HSPA12A: variants seen among roughly 807,000 people sequenced by gnomAD.
The protein encoded by HSPA12A is heat shock protein family A (Hsp70) member 12A, also known as heat shock 70 kDa protein 12A.
HSPA12A carries 28 observed loss-of-function variants against 69.2 expected under a neutral mutation model. That is an observed-to-expected ratio of 0.40 (90% CI 0.30 to 0.55). The LOEUF (loss-of-function observed/expected upper bound fraction) is 0.55. Among genes scored for constraint, HSPA12A ranks in the 20% least tolerant of loss-of-function variants. HSPA12A has a pLI of 0.38. For missense variants in HSPA12A, 686 were observed against 900.7 expected (o/e 0.76, Z 3.05); for synonymous variants, 345 against 370.5 (o/e 0.93, Z 0.79).
intron 1 of HSPA12A, among the ~76,000 whole-genome samples, chr10:116,726,377 C>T (rs1245369589): frequency 6.6e-6 from 1 of 152,132 alleles, no homozygotes; most frequent in Non-Finnish European, 1.5e-5. Flanking sequence ...CTCAGCTGCT[C>T]ACTCTACCTC....
chr10:116,708,279 G>A (rs1352445252), intron 1 of HSPA12A: 2 of 151,978 alleles, frequency 1.3e-5, no homozygotes, highest in African/African-American at 2.4e-5. Flanking sequence ...CACCACCCTC[G>A]GTGCTCTGCA....
chr10:116,785,216 A>G (rs1260121425), intron 2 of HSPA12A, among the ~76,000 whole-genome samples: 2 of 146,894 alleles, frequency 1.4e-5, no homozygotes, highest in African/African-American at 4.9e-5. Context: ...CACCGCCACC[A>G]TCATTCAAAT....
chr10:116,774,547 CTGG>C lies in HSPA12A; in HGVS notation c.91+60385_91+60387del, dbSNP rs565816678. 2.8e-3 allele frequency among the ~76,000 whole-genome samples: 434 copies of C among 152,290 alleles called. 1 individual carries two copies. The highest frequency in any genetic ancestry group is 4.7e-3 in the Non-Finnish European group (323 of 68,028). On this transcript the variant is annotated intron_variant, in intron 2 of 12. Transcript: ENST00000635765. ...CACTCTTGCCAAAGTGTGAGAACCC[CTGG>C]AATAAAGAAATGTCAATGGTGCTCT...
At position 116,812,324 on chromosome 10, in the gene HSPA12A, G is replaced by A. The variant is rs559792140; in HGVS notation, c.91+22611C>T. Among the ~76,000 whole-genome samples the A allele has an allele frequency of 3.9e-5, 6 of 151,992 alleles. No individual in the cohort carries two copies. In the South Asian group the frequency reaches 8.3e-4, roughly 21 times the overall value. Reference sequence around the variant, plus strand: ...AAAAATTAGCTGGGTATGGTGGTGCGTGCCTGTAATCCCAGCTACTCAGGA... The same window carrying A: ...AAAAATTAGCTGGGTATGGTGGTGCATGCCTGTAATCCCAGCTACTCAGGA... On this transcript the variant is annotated intron_variant, in intron 2 of 12. Transcript: ENST00000635765.
chr10:116,809,949 G>T (rs1314972710), intron 2 of HSPA12A, among the ~76,000 whole-genome samples: 2 of 152,202 alleles, frequency 1.3e-5, no homozygotes, highest in Non-Finnish European at 2.9e-5. Flanking sequence ...GATCCCTGGG[G>T]AGGGACCCGG....
chr10:116,819,133 C>A (rs2133194948), intron 2 of HSPA12A, among the ~76,000 whole-genome samples: 1 of 152,264 alleles, frequency 6.6e-6, no homozygotes, highest in South Asian at 2.1e-4. Flanking sequence ...CCCGTGACAC[C>A]CTGCTTATTC....
chr10:116,706,548 G>A (rs528885663), intron 2 of HSPA12A, among the ~76,000 whole-genome samples: 16 of 152,276 alleles, frequency 1.1e-4, no homozygotes, highest in Admixed American at 2.6e-4. Flanking sequence ...TTCTTTGTGC[G>A]TCTGCACAGC....
chr10:116,787,010 A>G (rs1432423642), intron 2 of HSPA12A, among the ~76,000 whole-genome samples: 6 of 12,826 alleles, frequency 4.7e-4, no homozygotes, highest in Non-Finnish European at 7.7e-4. Context: ...ACACACACAT[A>G]CACACACGCA....
intron 6 of HSPA12A, among the ~76,000 whole-genome samples, chr10:116,688,600 C>T (rs1363424127): frequency 6.6e-6 from 1 of 152,202 alleles, no homozygotes; most frequent in Non-Finnish European, 1.5e-5. Flanking sequence ...CAGTTAAGAG[C>T]GCTGCTGGTC....
At chr10:116,836,480 C>T (rs1237765714) in intron 1 of HSPA12A, among the ~76,000 whole-genome samples, 1 of 152,170 alleles carries the variant, frequency 6.6e-6, no homozygotes, top group Non-Finnish European at 1.5e-5. Context: ...CGCTTTGGTT[C>T]CTTTCTGGAA....
intron 5 of HSPA12A, among the ~76,000 whole-genome samples, chr10:116,695,609 G>C (rs1226682575): frequency 2.0e-5 from 3 of 152,112 alleles, no homozygotes; most frequent in African/African-American, 7.2e-5. Context: ...GAGGTCAGGA[G>C]ATCCAGACCA....
chr10:116,724,956 C>T (rs1419273723), intron 1 of HSPA12A, among the ~76,000 whole-genome samples: 6 of 152,314 alleles, frequency 3.9e-5, no homozygotes, highest in East Asian at 1.9e-4. Flanking sequence ...CCAGCAACAC[C>T]GTGGTGCAGG....
chr10:116,758,924 A>C (rs1339382507), intron 2 of HSPA12A, among the ~76,000 whole-genome samples: 6 of 152,168 alleles, frequency 3.9e-5, no homozygotes, highest in Non-Finnish European at 8.8e-5. Flanking sequence ...CTGACAACAG[A>C]ATCCTGGAAG....
At chr10:116,849,892 G>A (rs756747638), upstream of HSPA12A, 6 of 852,504 alleles carry the variant, frequency 7.0e-6, no homozygotes, top group South Asian at 4.4e-5. Context: ...GGGAAGGAGC[G>A]GGAAGGACAC....
At chr10:116,753,795 C>T (rs537200382) in intron 2 of HSPA12A, among the ~76,000 whole-genome samples, 64 of 152,204 alleles carry the variant, frequency 4.2e-4, no homozygotes, top group African/African-American at 1.3e-3. Context: ...TGAGGTGGTG[C>T]GTGTGGAGTG....
intron 2 of HSPA12A, among the ~76,000 whole-genome samples, chr10:116,780,585 T>C (rs1460178958): frequency 6.6e-6 from 1 of 152,042 alleles, no homozygotes; most frequent in Admixed American, 6.6e-5. Context: ...CTACCTATGT[T>C]ACCCAGACTG....
At chr10:116,696,700 A>T (rs1357070394) in intron 5 of HSPA12A, among the ~76,000 whole-genome samples, 1 of 152,008 alleles carries the variant, frequency 6.6e-6, no homozygotes, top group African/African-American at 2.4e-5. Context: ...AACCAAGAAA[A>T]AGTTCCTTGG....
intron 1 of HSPA12A, among the ~76,000 whole-genome samples, chr10:116,717,256 C>A (rs1322307019): frequency 6.6e-6 from 1 of 152,188 alleles, no homozygotes; most frequent in Non-Finnish European, 1.5e-5. Context: ...AGCCTGCACA[C>A]CTGCACGTTC....
At chr10:116,796,025 G>A (rs185316291) in intron 2 of HSPA12A, among the ~76,000 whole-genome samples, 2,935 of 150,978 alleles carry the variant, frequency 0.019, 42 homozygotes, top group Middle Eastern at 0.072. Context: ...GTGGGTGCCT[G>A]TAGTCCCAGC....
Sources: allele counts gnomAD v4.1 joint callset (sites outside exome capture counted in the v4.1 genomes callset), GRCh38; gene constraint gnomAD v4.1.1; transcripts MANE v1.5; gene names NCBI Gene and HGNC (gene_info 2026-07-23, HGNC 2026-07-21).